Variants in NR1D2 observed in about 807,000 individuals in gnomAD.
NR1D2 encodes nuclear receptor subfamily 1 group D member 2.
In NR1D2, 25 loss-of-function variants were observed where a neutral mutation model predicts 52.2. The ratio of observed to expected loss-of-function variants is 0.48; its 90% CI spans 0.35 to 0.67. NR1D2 has a LOEUF of 0.67. Ranked by LOEUF, NR1D2 falls within the 30% of genes least tolerant of loss-of-function variation. NR1D2 has a pLI of 0.01. For synonymous variants in NR1D2, 259 were observed against 230.1 expected, an observed-to-expected ratio of 1.13 and a Z score of -1.14; for missense variants, 681 against 707.2, an observed-to-expected ratio of 0.96 and a Z score of 0.42.
At position 23,978,207 on chromosome 3, in the gene NR1D2, A is replaced by G. The variant is rs1474002367; in HGVS notation, c.*788A>G. On this transcript the variant is annotated 3_prime_UTR_variant, in exon 8 of 8. Coordinates refer to ENST00000312521, the MANE Select transcript of NR1D2 (RefSeq NM_005126.5). ...ACACACGTATTCAAAGTTTATGGGT[A>G]CAACAAAGACATAGTACATGTACAT... The G allele has an allele frequency of 6.6e-6, 1 of 152,198 alleles. No homozygotes were observed. Among genetic ancestry groups the G allele is most frequent in the African/African-American group, 2.4e-5 (1 of 41,464 alleles). 9.4% of individuals were successfully genotyped at this position (152,198 alleles called of 1,614,324 possible). A position where few individuals can be genotyped will look rare whatever the true frequency, so the allele number is the denominator to read the frequency against.
chr3:23,960,909 T>C (rs968121725), intron 4 of NR1D2, among the ~76,000 whole-genome samples: 3 of 152,196 alleles, frequency 2.0e-5, no homozygotes, highest in Admixed American at 2.0e-4. Context: ...TTATTATCTC[T>C]GTGTAAATAC....
At chr3:23,946,145 A>C (rs534198605) in intron 1 of NR1D2, 2 of 984,730 alleles carry the variant, frequency 2.0e-6, no homozygotes, top group Admixed American at 6.1e-5. Context: ...GGGGTTGCAC[A>C]CTGCGGAGGA....
Position 23,965,091 on chromosome 3 carries a change from A to G in NR1D2, c.1261A>G (p.Lys421Glu). 6.2e-7 allele frequency: 1 copy of G among 1,614,122 alleles called. No homozygotes were observed. Among genetic ancestry groups the G allele is most frequent in the Non-Finnish European group, 8.5e-7 (1 of 1,179,976 alleles). The change falls in exon 6 of 8, where the codon AAG becomes GAG. Residue 421 changes from lysine to glutamate, a missense_variant. Around this residue, in one of 3 missense-constraint regions of NR1D2, gnomAD observed 475 missense variants for 454.5 expected, o/e 1.05. Coordinates refer to ENST00000312521, the MANE Select transcript of NR1D2 (RefSeq NM_005126.5). ...AGTGAAAGAAGTGGTGGAATTTGCA[A>G]AGCGTATTCCTGGGTTCAGAGATCT... ...PAVKEVVEFA[K>E]RIPGFRDLSQ... is the part of the protein sequence containing the mutation.
chr3:23,972,118 T>C (rs1376846787), intron 7 of NR1D2, among the ~76,000 whole-genome samples: 1 of 152,232 alleles, frequency 6.6e-6, no homozygotes, highest in Non-Finnish European at 1.5e-5. Flanking sequence ...AGTGGTCTTC[T>C]TTTGTTGTTT....
At chr3:23,967,425 G>A (rs1212148326) in intron 6 of NR1D2, among the ~76,000 whole-genome samples, 1 of 151,870 alleles carries the variant, frequency 6.6e-6, no homozygotes, top group South Asian at 2.1e-4. Context: ...GACCAGCCTT[G>A]CTAACATGGT....
chr3:23,954,465 G>T (rs1575148137), intron 1 of NR1D2, 72 bp from the exon 2 acceptor site: 1 of 1,315,606 alleles, frequency 7.6e-7, no homozygotes, highest in East Asian at 2.3e-5. Context: ...TGGCTTTACT[G>T]TTGAGATTTG....
At chr3:23,974,639 A>G (rs534047397) in intron 7 of NR1D2, among the ~76,000 whole-genome samples, 4 of 152,228 alleles carry the variant, frequency 2.6e-5, no homozygotes, top group Non-Finnish European at 4.4e-5. Context: ...TTTTTTTTAA[A>G]AAAACCATTA....
rs1451402689 is a variant in NR1D2 at position 23,977,203 on chromosome 3, C to G, written c.1544-20C>G. 4.5e-6 allele frequency: 6 copies of G among 1,346,200 alleles called. No homozygotes were observed. The East Asian group carries it at 1.0e-4, about 22-fold the overall frequency. The allele number at this position is 1,346,200 out of a possible 1,614,324, so 83.4% of individuals were successfully genotyped here. A position where few individuals can be genotyped will look rare whatever the true frequency, so the allele number is the denominator to read the frequency against. ...AATTTATCCTGTTTTTCCTATTTCC[C>G]TATTCCTGATCTCTCTTAGATCGAT... On this transcript the variant is annotated intron_variant, in intron 7 of 7. Coordinates refer to ENST00000312521, the MANE Select transcript of NR1D2 (RefSeq NM_005126.5).
At position 23,979,387 on chromosome 3, in the gene NR1D2, A is replaced by T. The variant is rs530836926; in HGVS notation, c.*1968A>T. On this transcript the variant is annotated 3_prime_UTR_variant, in exon 8 of 8. Coordinates refer to ENST00000312521, the MANE Select transcript of NR1D2 (RefSeq NM_005126.5). ...GTTTTCTTCTATGGGTGATAGAAAC[A>T]GCTTTTTGAAGTAATGAAAACCTCA... The T allele has an allele frequency of 6.6e-6, 1 of 152,228 alleles. No homozygotes were observed. Among genetic ancestry groups the T allele is most frequent in the African/African-American group, 2.4e-5 (1 of 41,574 alleles). 9.4% of individuals were successfully genotyped at this position (152,228 alleles called of 1,614,324 possible).
At chr3:23,967,744 T>G in intron 6 of NR1D2, 69 bp from the exon 7 acceptor site, 1 of 1,218,750 alleles carries the variant, frequency 8.2e-7, no homozygotes, top group Non-Finnish European at 1.1e-6. Flanking sequence ...CTGACTTGAT[T>G]GAATACTAAG....
At chr3:23,970,778 G>GT (rs573305002) in intron 7 of NR1D2, among the ~76,000 whole-genome samples, 4 of 150,630 alleles carry the variant, frequency 2.7e-5, no homozygotes, top group African/African-American at 4.9e-5. Flanking sequence ...GTTGTTGTTT[G>GT]TTTTTTTATT....
intron 1 of NR1D2, among the ~76,000 whole-genome samples, chr3:23,950,636 C>T (rs572859067): frequency 8.5e-5 from 13 of 152,282 alleles, no homozygotes; most frequent in African/African-American, 2.9e-4. Flanking sequence ...GAAGGTCTTG[C>T]TAGGAGAATG....
chr3:23,955,966 A>AT, intron 2 of NR1D2, 71 bp from the exon 3 acceptor site: 2 of 1,061,304 alleles, frequency 1.9e-6, no homozygotes, highest in Admixed American at 3.5e-5. Flanking sequence ...ATGAAATAAA[A>AT]TATCTAATTG....
intron 1 of NR1D2, among the ~76,000 whole-genome samples, chr3:23,950,650 C>G (rs1460979924): frequency 6.6e-6 from 1 of 152,178 alleles, no homozygotes; most frequent in African/African-American, 2.4e-5. Context: ...GAGAATGCAG[C>G]TACTTCTAGA....
At chr3:23,972,272 C>T (rs1706608963) in intron 7 of NR1D2, among the ~76,000 whole-genome samples, 1 of 152,094 alleles carries the variant, frequency 6.6e-6, no homozygotes. Flanking sequence ...AGTAATTTAC[C>T]CAATGTCCAT....
chr3:23,958,155 T>G (rs1706135402), intron 3 of NR1D2, among the ~76,000 whole-genome samples: 1 of 152,222 alleles, frequency 6.6e-6, no homozygotes, highest in African/African-American at 2.4e-5. Flanking sequence ...TTTCCTTGGA[T>G]AGTTAGCTAC....
In NR1D2 at chr3:23,964,985, A is replaced by G. The variant is rs1482252509; in HGVS notation, c.1155A>G (p.Pro385=). ...NTGGRMHLVC[P]MSKSPYVDPH... ...CGTTTTATGTATACTAGGTTTGTCC[A>G]ATGAGTAAGTCTCCATATGTGGATC... The change falls in exon 6 of 8, where the codon CCA becomes CCG. Residue 385 remains proline, a synonymous_variant. Transcript: ENST00000312521. 6 of 1,609,848 alleles carry G rather than the reference A, an allele frequency of 3.7e-6. No individual in the cohort carries two copies. Among genetic ancestry groups the G allele is most frequent in the Non-Finnish European group, 5.1e-6 (6 of 1,178,014 alleles).
In NR1D2 at chr3:23,965,075, AGTG is replaced by A. The variant is rs1706403094; in HGVS notation, c.1250_1252del (p.Val417del). On this transcript the variant is annotated inframe_deletion, in exon 6 of 8. Coordinates refer to ENST00000312521, the MANE Select transcript of NR1D2 (RefSeq NM_005126.5). ...TGAGCTTCACTCCAGCAGTGAAAGAAGTGGTGGAATTTGCAAAGCGTATTCCTG... is the reference window on the plus strand; with the variant it reads ...TGAGCTTCACTCCAGCAGTGAAAGAAGTGGAATTTGCAAAGCGTATTCCTG... 1 of 1,614,000 alleles carries A rather than the reference AGTG, an allele frequency of 6.2e-7. No individual in the cohort carries two copies. The highest frequency in any genetic ancestry group is 8.5e-7 in the Non-Finnish European group (1 of 1,179,982).
Position 23,962,387 on chromosome 3 carries a change from C to A in NR1D2, c.928C>A (p.Pro310Thr). The A allele has an allele frequency of 6.2e-7, 1 of 1,614,146 alleles. No individual in the cohort carries two copies. The highest frequency in any genetic ancestry group is 2.2e-5 in the East Asian group (1 of 44,882). The change falls in exon 5 of 8, where the codon CCC (proline) becomes ACC (threonine). Residue 310 changes from proline (P) to threonine (T), a missense_variant. This residue lies in a region of NR1D2 where 475 missense variants were observed against 454.5 expected (regional missense o/e 1.05). Coordinates refer to ENST00000312521, the MANE Select transcript of NR1D2 (RefSeq NM_005126.5). ...CGGCAATGGGCTTAGCAGCCATTTT[C>A]CCTGTAGTGAGAGCCAGCAGCATCT... ...HCGNGLSSHFPCSESQQHLNG... is the reference protein window; with the variant it reads ...HCGNGLSSHFTCSESQQHLNG...
Sources: gnomAD v4.1 joint callset for allele counts (sites outside exome capture counted in the v4.1 genomes callset) on GRCh38, gnomAD v4.1.1 for gene constraint, gnomAD v4.1.1 regional missense constraint, MANE v1.5 for transcripts, NCBI Gene and HGNC (gene_info 2026-07-23, HGNC 2026-07-21) for gene names.